Variants in TTC38 observed in about 807,000 individuals in gnomAD.
TTC38 encodes the protein tetratricopeptide repeat domain 38.
A neutral mutation model predicts 64.2 loss-of-function variants in TTC38; 64 were observed. That is an observed-to-expected ratio of 1.00 (90% CI 0.81 to 1.23). TTC38 has a LOEUF of 1.23. Ranked by LOEUF, TTC38 falls within the 50% of genes most tolerant of loss-of-function variation. The pLI, the probability that TTC38 is intolerant of heterozygous loss-of-function variation, is 0.00. For synonymous variants in TTC38, 254 were observed against 249.3 expected (o/e 1.02, Z -0.18); for missense variants, 573 against 615.5 (o/e 0.93, Z 0.73).
Position 46,272,237 on chromosome 22 carries a change from C to A in TTC38, c.112-98C>A. On this transcript the variant is annotated intron_variant, in intron 2 of 13. Transcript: ENST00000381031. This position sits in a 1 kb window ranked among gnomAD's most constrained non-coding sequence, Gnocchi z 6.4. ...AACTCCTGACCTCAGATGTTCTGCC[C>A]GCCTCGGCCTCCCAAAGTGTAAACC... 1.1e-6 allele frequency: 1 copy of A among 915,334 alleles called. No individual in the cohort carries two copies. The highest frequency in any genetic ancestry group is 1.6e-5 in the African/African-American group (1 of 60,750). The allele number at this position is 915,334 out of a possible 1,614,324, so 56.7% of individuals were successfully genotyped here. A position where few individuals can be genotyped will look rare whatever the true frequency, so the allele number is the denominator to read the frequency against.
intron 12 of TTC38, 123 bp from the exon 13 acceptor site, chr22:46,289,703 C>A: frequency 1.4e-6 from 2 of 1,464,878 alleles, no homozygotes; most frequent in Non-Finnish European, 1.9e-6. Flanking sequence ...CGTGTAAGTT[C>A]GTCGTTGAGG....
chr22:46,273,035 C>G lies in TTC38; in HGVS notation c.193+619C>G, dbSNP rs1230210575. Among the ~76,000 whole-genome samples, 1 of 152,202 alleles carries G rather than the reference C, an allele frequency of 6.6e-6. No homozygotes were observed. Among genetic ancestry groups the G allele is most frequent in the African/African-American group, 2.4e-5 (1 of 41,450 alleles). ...CTCTTGTCAGTGCGGCAGGGACACCCTTCTCACCCTGCTGCAGCCTAGTCA... is the reference window on the plus strand; with the variant it reads ...CTCTTGTCAGTGCGGCAGGGACACCGTTCTCACCCTGCTGCAGCCTAGTCA... On this transcript the variant is annotated intron_variant, in intron 3 of 13. Transcript: ENST00000381031. The surrounding 1 kb of genome is among the most constrained non-coding windows in gnomAD (Gnocchi z 5.1).
Position 46,291,190 on chromosome 22 carries a change from A to G in TTC38, c.1316+1291A>G, listed in dbSNP as rs1333411263. ...CCGCTTTCCCCTTCCATGGCTGTAG[A>G]CAAAACCATGCGTGTTTCTTTGGTG... On this transcript the variant is annotated intron_variant, in intron 13 of 13. Transcript: ENST00000381031. This position sits in a 1 kb window ranked among gnomAD's most constrained non-coding sequence, Gnocchi z 4.6. Among the ~76,000 whole-genome samples the G allele has an allele frequency of 1.3e-5, 2 of 152,204 alleles. No homozygotes were observed. The highest frequency in any genetic ancestry group is 1.3e-4 in the Admixed American group (2 of 15,288).
At chr22:46,288,375 GC>G in intron 10 of TTC38, 47 bp from the exon 11 acceptor site, 1 of 1,579,196 alleles carries the variant, frequency 6.3e-7, no homozygotes, top group Non-Finnish European at 8.6e-7. Context: ...CACGGGACAT[GC>G]CCCAGAGCCT....
chr22:46,281,855 C>G lies in TTC38; in HGVS notation c.735+137C>G. ...CCTCTCCTCCTCCACCTGCACCTGC[C>G]TCAGGTGTTTGGCTGCTGAGCAGAA... On this transcript the variant is annotated intron_variant, in intron 7 of 13. Coordinates refer to ENST00000381031, the MANE Select transcript of TTC38 (RefSeq NM_017931.4). This position sits in a 1 kb window ranked among gnomAD's most constrained non-coding sequence, Gnocchi z 5.2. 8.4e-7 allele frequency: 1 copy of G among 1,187,620 alleles called. No individual in the cohort carries two copies. The allele number at this position is 1,187,620 out of a possible 1,614,324, so 73.6% of individuals were successfully genotyped here.
rs1291568138 is a variant in TTC38 at position 46,275,209 on chromosome 22, T to C, written c.366-39T>C. 2 of 1,589,460 alleles carry C rather than the reference T, an allele frequency of 1.3e-6. No individual in the cohort carries two copies. The highest frequency in any genetic ancestry group is 2.2e-5 in the East Asian group (1 of 44,718). ...TTACACTCCCTGTGTGGGTGGACTA[T>C]GTGTTCAGCGTTGGTGAGAAATCTT... On this transcript the variant is annotated intron_variant, in intron 4 of 13. Coordinates refer to ENST00000381031, the MANE Select transcript of TTC38 (RefSeq NM_017931.4). The surrounding 1 kb of genome is among the most constrained non-coding windows in gnomAD (Gnocchi z 4.5).
At chr22:46,285,416 C>A in intron 9 of TTC38, 137 bp downstream of exon 9, 3 of 848,282 alleles carry the variant, frequency 3.5e-6, no homozygotes, top group Non-Finnish European at 6.0e-6. Flanking sequence ...TTGTGTAAGG[C>A]CTCATGGGGT....
chr22:46,268,215 C>T (rs1936805924), intron 1 of TTC38, 143 bp downstream of exon 1: 2 of 941,368 alleles, frequency 2.1e-6, no homozygotes, highest in Non-Finnish European at 1.5e-6. Flanking sequence ...CGCGGCAACG[C>T]CTGGAAGGGA....
rs13058043 is a variant in TTC38, at chr22:46,291,832, T to C, written c.1317-959T>C. On this transcript the variant is annotated intron_variant, in intron 13 of 13. Coordinates refer to ENST00000381031, the MANE Select transcript of TTC38 (RefSeq NM_017931.4). This position sits in a 1 kb window ranked among gnomAD's most constrained non-coding sequence, Gnocchi z 4.6. ...TTAGCCGGGCGTGGTGGTGGGTACC[T>C]GTAATCCCGGCTAGTCGGGAGCCTG... 2.6e-5 allele frequency among the ~76,000 whole-genome samples: 4 copies of C among 152,180 alleles called. No individual in the cohort carries two copies. Among genetic ancestry groups the C allele is most frequent in the Admixed American group, 6.5e-5 (1 of 15,278 alleles).
rs771990644 is a variant in TTC38 at position 46,284,016 on chromosome 22, T to C, written c.779T>C (p.Leu260Ser). The change falls in exon 8 of 14, where the codon TTA (leucine) becomes TCA (serine). Residue 260 changes from leucine (L) to serine (S), a missense_variant. Leu to Ser is a moderately radical substitution (Grantham distance 145). This residue lies in a region of TTC38 where 371 missense variants were observed against 381.8 expected (regional missense o/e 0.97). Coordinates refer to ENST00000381031, the MANE Select transcript of TTC38 (RefSeq NM_017931.4). ...TGTCATAACTATTGGCACTGGGCTTTATATCTGATTGAGAAGGTAAGGTGA... is the reference window on the plus strand; with the variant it reads ...TGTCATAACTATTGGCACTGGGCTTCATATCTGATTGAGAAGGTAAGGTGA... The part of the protein sequence containing the change: ...LACHNYWHWA[L>S]YLIEKGEYEA... The C allele has an allele frequency of 6.2e-7, 1 of 1,610,562 alleles. No individual in the cohort carries two copies. The highest frequency in any genetic ancestry group is 1.1e-5 in the South Asian group (1 of 90,902).
At chr22:46,283,902 A>G (rs1569023001) in intron 7 of TTC38, 71 bp from the exon 8 acceptor site, 12 of 1,088,240 alleles carry the variant, frequency 1.1e-5, no homozygotes, top group Non-Finnish European at 1.6e-5. Context: ...GCATTAGCAC[A>G]AAACAACATT....
chr22:46,290,717 G>A (rs957201096), intron 13 of TTC38, among the ~76,000 whole-genome samples: 6 of 152,088 alleles, frequency 3.9e-5, no homozygotes, highest in African/African-American at 1.4e-4. Context: ...GGGTGGCATA[G>A]CTGGCAGATG....
At chr22:46,269,088 G>GCCCCCCCC (rs58531030) in intron 2 of TTC38, 1 of 355,178 alleles carries the variant, frequency 2.8e-6, no homozygotes, top group African/African-American at 2.3e-5. Context: ...ACATATCTCT[G>GCCCCCCCC]CCCCCCCCCC....
At position 46,274,250 on chromosome 22, in the gene TTC38, C is replaced by G. The variant is rs1429764921; in HGVS notation, c.365+181C>G. Among the ~76,000 whole-genome samples, 1 of 152,156 alleles carries G rather than the reference C, an allele frequency of 6.6e-6. No homozygotes were observed. The highest frequency in any genetic ancestry group is 1.5e-5 in the Non-Finnish European group (1 of 68,028). On this transcript the variant is annotated intron_variant, in intron 4 of 13. Coordinates refer to ENST00000381031, the MANE Select transcript of TTC38 (RefSeq NM_017931.4). This position sits in a 1 kb window ranked among gnomAD's most constrained non-coding sequence, Gnocchi z 4.8. ...CTGCTTCCCTATTCTTGGTGGAGTGCTGAGTGAGGAAGCAGTTGGTGAAGA... is the reference window on the plus strand; with the variant it reads ...CTGCTTCCCTATTCTTGGTGGAGTGGTGAGTGAGGAAGCAGTTGGTGAAGA...
At chr22:46,269,142 G>A (rs1441448429) in intron 2 of TTC38, 1 of 438,256 alleles carries the variant, frequency 2.3e-6, no homozygotes, top group Non-Finnish European at 4.7e-6. Flanking sequence ...TCTTCCCCAG[G>A]ACTCTGAGTG....
rs2077533472 is a variant in TTC38 at position 46,281,418 on chromosome 22, G to A, written c.616-181G>A. On this transcript the variant is annotated intron_variant, in intron 6 of 13. Coordinates refer to ENST00000381031, the MANE Select transcript of TTC38 (RefSeq NM_017931.4). The surrounding 1 kb of genome is among the most constrained non-coding windows in gnomAD (Gnocchi z 5.2). The stretch of plus-strand genomic sequence containing the variant: ...TGGGCAGTGAGACCCATGAGCTGGT[G>A]TGCCCGGGCAGGCAGGAAGTGGTGC... 6.6e-6 allele frequency among the ~76,000 whole-genome samples: 1 copy of A among 152,268 alleles called. No homozygotes were observed. Among genetic ancestry groups the A allele is most frequent in the Non-Finnish European group, 1.5e-5 (1 of 68,026 alleles).
At position 46,268,010 on chromosome 22, in the gene TTC38, A is replaced by G. The variant is rs1936796879; in HGVS notation, c.-30A>G. ...CTCCCAGGAAGGCCCGGGTGCCCAG[A>G]GCTCGCGGTGGACTCCGACCCGGCG... is the stretch of plus-strand genomic sequence containing the variant. On this transcript the variant is annotated 5_prime_UTR_variant, in exon 1 of 14. Coordinates refer to ENST00000381031, the MANE Select transcript of TTC38 (RefSeq NM_017931.4). 2.4e-5 allele frequency: 36 copies of G among 1,526,436 alleles called. No individual in the cohort carries two copies. Among genetic ancestry groups the G allele is most frequent in the Non-Finnish European group, 3.0e-5 (34 of 1,143,140 alleles). The allele number at this position is 1,526,436 out of a possible 1,614,324, so 94.6% of individuals were successfully genotyped here. A position where few individuals can be genotyped will look rare whatever the true frequency, so the allele number is the denominator to read the frequency against.
intron 2 of TTC38, chr22:46,268,862 AT>A (rs1396705754): frequency 2.6e-5 from 10 of 391,922 alleles, no homozygotes; most frequent in South Asian, 1.4e-4. Context: ...TTTTTTTTGT[AT>A]TTTTTAGTAG....
intron 9 of TTC38, 24 bp from the exon 10 acceptor site, chr22:46,287,049 C>A: frequency 6.3e-7 from 1 of 1,581,032 alleles, no homozygotes; most frequent in Admixed American, 1.7e-5. Context: ...CCGCTGAGCC[C>A]GCCTTGGCCG....
Sources: gnomAD v4.1 joint callset for allele counts (sites outside exome capture counted in the v4.1 genomes callset) on GRCh38, gnomAD v4.1.1 for gene constraint, gnomAD v4.1.1 regional missense constraint, Gnocchi (gnomAD v3.1) non-coding constraint, MANE v1.5 for transcripts, NCBI Gene and HGNC (gene_info 2026-07-23, HGNC 2026-07-21) for gene names.